The following EP300 variants were observed in gnomAD, a reference collection of about 807,000 sequenced individuals.
EP300 encodes the protein EP300 lysine acetyltransferase.
In EP300, 31 loss-of-function variants were observed where a neutral mutation model predicts 264.0. The observed-to-expected ratio is 0.12, with a 90% CI of 0.09 to 0.16. EP300 has a LOEUF of 0.16. EP300 is among the 10% of genes least tolerant of loss of function. The probability of loss-of-function intolerance (pLI) is 1.00; values close to 1 mark genes in which losing one functional copy is unlikely to be tolerated. For synonymous variants in EP300, 1,340 were observed against 1,045.4 expected (o/e 1.28, Z -5.44); for missense variants, 2,766 against 3,052.9 (o/e 0.91, Z 2.21).
intron 24 of EP300, 50 bp from the exon 25 acceptor site, chr22:41,168,670 TC>T (rs1200188805): frequency 6.2e-7 from 1 of 1,614,128 alleles, no homozygotes; most frequent in Non-Finnish European, 8.5e-7. Context: ...TATTGGTGAT[TC>T]CAGTCTGAAT....
At chr22:41,118,271 G>C (rs2058832576) in intron 2 of EP300, among the ~76,000 whole-genome samples, 1 of 152,044 alleles carries the variant, frequency 6.6e-6, no homozygotes, top group South Asian at 2.1e-4. Context: ...TGGAAATTAA[G>C]GTGCATTTGT....
Position 41,177,726 on chromosome 22 carries a change from A to T in EP300, c.6015A>T (p.Gln2005His), listed in dbSNP as rs760227533. ...AAGGAGGATTGCCTCAGCCCCAGCA[A>T]CTACAGTCTGGGATGCCAAGGCCAG... is the stretch of plus-strand genomic sequence containing the variant. ...WSQGGLPQPQ[Q>H]LQSGMPRPAM... The change falls in exon 31 of 31, where the codon CAA (glutamine) becomes CAT (histidine). Residue 2005 changes from glutamine to histidine, a missense_variant. Transcript: ENST00000263253. The T allele has an allele frequency of 6.2e-7, 1 of 1,613,876 alleles. No individual in the cohort carries two copies. Among genetic ancestry groups the T allele is most frequent in the Non-Finnish European group, 8.5e-7 (1 of 1,180,006 alleles).
chr22:41,175,919 G>T (rs191042458), intron 29 of EP300: 2 of 351,184 alleles, frequency 5.7e-6, no homozygotes, highest in Non-Finnish European at 1.1e-5. Context: ...CTCAGCATTC[G>T]CCAGTCTCAT....
At chr22:41,135,052 G>A (rs1042042994) in intron 6 of EP300, among the ~76,000 whole-genome samples, 1 of 152,032 alleles carries the variant, frequency 6.6e-6, no homozygotes, top group African/African-American at 2.4e-5. Flanking sequence ...GGGACTAGGC[G>A]CACACCACCA....
intron 2 of EP300, among the ~76,000 whole-genome samples, chr22:41,123,744 G>T (rs2058865024): frequency 9.0e-6 from 1 of 111,342 alleles, no homozygotes; most frequent in African/African-American, 2.6e-5. Flanking sequence ...AGAAGAGGAC[G>T]GTGGCTTCAA....
chr22:41,094,811 A>G (rs976977360), intron 1 of EP300, among the ~76,000 whole-genome samples: 2 of 152,044 alleles, frequency 1.3e-5, no homozygotes, highest in African/African-American at 2.4e-5. Flanking sequence ...CGTAGGGGAA[A>G]CTTTTTTGTG....
chr22:41,119,172 A>ATTTTTTTTT (rs796885809), intron 2 of EP300, among the ~76,000 whole-genome samples: 4 of 107,268 alleles, frequency 3.7e-5, no homozygotes, highest in Non-Finnish European at 1.8e-5. Flanking sequence ...CTGGCTTATT[A>ATTTTTTTTT]TTATTTTTTT....
intron 28 of EP300, 95 bp downstream of exon 28, chr22:41,172,758 A>C (rs563567465): frequency 7.6e-7 from 1 of 1,318,614 alleles, no homozygotes; most frequent in South Asian, 1.3e-5. Context: ...TAAAGCTTTC[A>C]GGTGTAAAAG....
rs973317775 is a variant in EP300, at chr22:41,141,141, C to G, written c.1972C>G (p.Leu658Val). The change falls in exon 10 of 31, where the codon CTA becomes GTA. Residue 658 changes from leucine to valine, a missense_variant. Physicochemically the swap from Leu to Val is conservative, Grantham distance 32. Coordinates refer to ENST00000263253, the MANE Select transcript of EP300 (RefSeq NM_001429.4). ...RRTRLQKQNM[L>V]PNAAGMVPVS... is the part of the protein sequence containing the mutation. ...GACCAGACTACAGAAGCAGAACATG[C>G]TACCAAATGCTGCAGGCATGGTTCC... 6.2e-7 allele frequency: 1 copy of G among 1,614,034 alleles called. No homozygotes were observed. The highest frequency in any genetic ancestry group is 1.3e-5 in the African/African-American group (1 of 74,932).
At chr22:41,125,160 C>CCAGG (rs1289298635) in intron 2 of EP300, among the ~76,000 whole-genome samples, 1 of 147,720 alleles carries the variant, frequency 6.8e-6, no homozygotes, top group African/African-American at 2.5e-5. Flanking sequence ...ACTCTGTCGC[C>CCAGG]CAGGCTGGAG....
chr22:41,126,169 T>C, intron 3 of EP300, 129 bp downstream of exon 3: 1 of 897,554 alleles, frequency 1.1e-6, no homozygotes, highest in Non-Finnish European at 1.8e-6. Flanking sequence ...GATATGTACT[T>C]GATGATCCCT....
Position 41,176,916 on chromosome 22 carries a change from C to T in EP300, c.5205C>T (p.Ile1735=). 2 of 1,614,166 alleles carry T rather than the reference C, an allele frequency of 1.2e-6. No individual in the cohort carries two copies. Among genetic ancestry groups the T allele is most frequent in the Non-Finnish European group, 8.5e-7 (1 of 1,180,022 alleles). Reference sequence around the variant, plus strand: ...CAGGCGATTCTCGCCGCCTGAGTATCCAGCGCTGCATCCAGTCTCTGGTCC... The same window carrying T: ...CAGGCGATTCTCGCCGCCTGAGTATTCAGCGCTGCATCCAGTCTCTGGTCC... ...QSPGDSRRLS[I]QRCIQSLVHA... is the part of the protein sequence containing the mutation. The change falls in exon 31 of 31, where the codon ATC becomes ATT. Residue 1735 remains isoleucine, a synonymous_variant. Transcript: ENST00000263253.
chr22:41,098,061 CAT>C (rs1204510315), intron 1 of EP300, among the ~76,000 whole-genome samples: 4 of 151,888 alleles, frequency 2.6e-5, no homozygotes, highest in African/African-American at 9.7e-5. Context: ...AGGTTTGTCA[CAT>C]ATGTATACAT....
Position 41,179,047 on chromosome 22 carries a change from C to A in EP300, c.*91C>A. 6.7e-7 allele frequency: 1 copy of A among 1,482,414 alleles called. No individual in the cohort carries two copies. The highest frequency in any genetic ancestry group is 9.2e-7 in the Non-Finnish European group (1 of 1,084,598). The allele number at this position is 1,482,414 out of a possible 1,614,324, so 91.8% of individuals were successfully genotyped here. ...AACAATTTTTTTGAATCTTTCGTAG[C>A]CTAAAAGACAATTTTCCTTGGAACA... On this transcript the variant is annotated 3_prime_UTR_variant, in exon 31 of 31. Coordinates refer to ENST00000263253, the MANE Select transcript of EP300 (RefSeq NM_001429.4).
intron 18 of EP300, 107 bp from the exon 19 acceptor site, chr22:41,158,305 A>G (rs1239715149): frequency 1.2e-6 from 1 of 814,462 alleles, no homozygotes; most frequent in East Asian, 2.6e-5. Flanking sequence ...TTATTAACAT[A>G]AATGAGAACT....
rs1232571930 is a variant in EP300, at chr22:41,092,884, C to T, written c.-121C>T. The stretch of plus-strand genomic sequence containing the variant: ...AAGAGAAAAAGGAACTTCCCCCACC[C>T]CCTCGGGTGCCGTCGGAGCCCCCCA... On this transcript the variant is annotated 5_prime_UTR_variant, in exon 1 of 31. Transcript: ENST00000263253. The T allele has an allele frequency of 1.3e-5, 13 of 1,037,682 alleles. No homozygotes were observed. Among genetic ancestry groups the T allele is most frequent in the East Asian group, 4.7e-5 (2 of 42,300 alleles). The allele number at this position is 1,037,682 out of a possible 1,614,324, so 64.3% of individuals were successfully genotyped here. A position where few individuals can be genotyped will look rare whatever the true frequency, so the allele number is the denominator to read the frequency against.
intron 10 of EP300, among the ~76,000 whole-genome samples, chr22:41,144,630 T>A (rs1357803251): frequency 1.3e-5 from 2 of 152,128 alleles, no homozygotes; most frequent in Non-Finnish European, 2.9e-5. Context: ...ATGCTGAAAT[T>A]ACAGGTGTGA....
At chr22:41,174,066 C>T (rs2059186330) in intron 29 of EP300, among the ~76,000 whole-genome samples, 1 of 152,012 alleles carries the variant, frequency 6.6e-6, no homozygotes, top group Non-Finnish European at 1.5e-5. Flanking sequence ...GCCGAGGTCA[C>T]TCCATTGCAC....
intron 1 of EP300, among the ~76,000 whole-genome samples, chr22:41,099,883 A>G (rs2058721757): frequency 6.6e-6 from 1 of 152,182 alleles, no homozygotes; most frequent in Non-Finnish European, 1.5e-5. Flanking sequence ...GGGGAGATTC[A>G]CTACCCGGTC....
Sources: allele counts gnomAD v4.1 joint callset (sites outside exome capture counted in the v4.1 genomes callset), GRCh38; gene constraint gnomAD v4.1.1; transcripts MANE v1.5; gene names NCBI Gene and HGNC (gene_info 2026-07-23, HGNC 2026-07-21).